CPNE8: variants seen among roughly 807,000 people sequenced by gnomAD.
The protein encoded by CPNE8 is copine 8, also known as copine-8.
CPNE8 carries 45 observed loss-of-function variants against 81.5 expected under a neutral mutation model. That is an observed-to-expected ratio of 0.55 (90% confidence interval 0.44 to 0.71). The LOEUF (loss-of-function observed/expected upper bound fraction) is 0.71, where lower values mean the gene tolerates loss of function less well. Ranked by LOEUF, CPNE8 falls within the 30% of genes least tolerant of loss-of-function variation. The pLI, the probability that CPNE8 is intolerant of heterozygous loss-of-function variation, is 0.00. For missense variants in CPNE8, 594 were observed against 672.1 expected, an observed-to-expected ratio of 0.88 and a Z score of 1.28; for synonymous variants, 252 against 226.3, an observed-to-expected ratio of 1.11 and a Z score of -1.02.
At chr12:38,846,132 G>T (rs1413119277) in intron 4 of CPNE8, among the ~76,000 whole-genome samples, 1 of 152,080 alleles carries the variant, frequency 6.6e-6, no homozygotes, top group Non-Finnish European at 1.5e-5. Context: ...GACAAGTTTT[G>T]AGTATCAGGT....
intron 6 of CPNE8, among the ~76,000 whole-genome samples, chr12:38,779,274 G>C (rs937632761): frequency 6.6e-6 from 1 of 152,128 alleles, no homozygotes. Flanking sequence ...CTGAACACTG[G>C]AGAACTTGAT....
chr12:38,766,016 G>T (rs1941679622), intron 8 of CPNE8, among the ~76,000 whole-genome samples: 1 of 151,880 alleles, frequency 6.6e-6, no homozygotes, highest in Non-Finnish European at 1.5e-5. Context: ...CTGCCACCAC[G>T]CCCAGCTAAT....
At chr12:38,841,564 G>A (rs991855211) in intron 4 of CPNE8, among the ~76,000 whole-genome samples, 7 of 152,130 alleles carry the variant, frequency 4.6e-5, no homozygotes, top group Non-Finnish European at 7.3e-5. Flanking sequence ...GGACAATGGC[G>A]TGGTGGTCTT....
At chr12:38,798,108 A>G (rs1942547796) in intron 6 of CPNE8, among the ~76,000 whole-genome samples, 1 of 152,220 alleles carries the variant, frequency 6.6e-6, no homozygotes, top group Non-Finnish European at 1.5e-5. Flanking sequence ...GAATGGAACC[A>G]AGTTGGAAAA....
At chr12:38,688,136 T>G (rs575048975) in intron 15 of CPNE8, among the ~76,000 whole-genome samples, 194 of 152,296 alleles carry the variant, frequency 1.3e-3, no homozygotes, top group Middle Eastern at 0.01. Flanking sequence ...GCTACTTTTA[T>G]TTTTTAACAT....
At chr12:38,889,681 G>A (rs1416731657) in intron 1 of CPNE8, among the ~76,000 whole-genome samples, 38 of 152,280 alleles carry the variant, frequency 2.5e-4, no homozygotes, top group Admixed American at 2.2e-3. Context: ...GATTCCTGGC[G>A]AGGAGGAGAA....
chr12:38,692,444 T>G (rs1250052045), intron 15 of CPNE8, among the ~76,000 whole-genome samples: 1 of 152,222 alleles, frequency 6.6e-6, no homozygotes, highest in Non-Finnish European at 1.5e-5. Flanking sequence ...AATTACCAGT[T>G]GAGCCTCTCA....
intron 13 of CPNE8, among the ~76,000 whole-genome samples, chr12:38,719,313 G>T (rs988494545): frequency 6.6e-6 from 1 of 152,058 alleles, no homozygotes; most frequent in Non-Finnish European, 1.5e-5. Flanking sequence ...TTAAATTTGT[G>T]CCCAATTTGG....
rs1314239270 is a variant in CPNE8 at position 38,711,817 on chromosome 12, A to T, written c.915-8896T>A. 3.7e-4 allele frequency among the ~76,000 whole-genome samples: 57 copies of T among 152,174 alleles called. 1 individual carries two copies. Among genetic ancestry groups the T allele is most frequent in the Admixed American group, 3.7e-3 (57 of 15,272 alleles). On this transcript the variant is annotated intron_variant, in intron 13 of 19. Coordinates refer to ENST00000331366, the MANE Select transcript of CPNE8 (RefSeq NM_153634.3). Reference sequence around the variant, plus strand: ...AAAATGAGAATCAAATCTTAACCAAATAAATGTTTATAACAGTCTTCTTAA... The same window carrying T: ...AAAATGAGAATCAAATCTTAACCAATTAAATGTTTATAACAGTCTTCTTAA...
chr12:38,723,874 G>A (rs745741562), intron 12 of CPNE8, 41 bp from the exon 13 acceptor site: 1 of 1,149,756 alleles, frequency 8.7e-7, no homozygotes, highest in East Asian at 2.3e-5. Flanking sequence ...AGTTGTTTGT[G>A]ACCCCAAATA....
chr12:38,778,545 G>A (rs2083869808), intron 6 of CPNE8, among the ~76,000 whole-genome samples: 3 of 151,798 alleles, frequency 2.0e-5, no homozygotes, highest in South Asian at 2.1e-4. Context: ...TCCCTATTTC[G>A]CCTCAAACTT....
intron 10 of CPNE8, among the ~76,000 whole-genome samples, chr12:38,738,839 G>T (rs1169993688): frequency 2.1e-5 from 3 of 144,004 alleles, no homozygotes; most frequent in African/African-American, 5.2e-5. Flanking sequence ...TTTGAGACAG[G>T]GTCTTGCTCT....
At chr12:38,699,333 A>G (rs1005166681) in intron 14 of CPNE8, among the ~76,000 whole-genome samples, 1 of 152,172 alleles carries the variant, frequency 6.6e-6, no homozygotes, top group South Asian at 2.1e-4. Flanking sequence ...TTCTTAGTTC[A>G]CCTAATTCAC....
intron 10 of CPNE8, among the ~76,000 whole-genome samples, chr12:38,752,731 A>G (rs1376423478): frequency 1.3e-5 from 2 of 152,224 alleles, no homozygotes; most frequent in African/African-American, 4.8e-5. Flanking sequence ...TCTAGCCATA[A>G]GATTCTAATA....
chr12:38,714,371 G>C (rs60958114), intron 13 of CPNE8, among the ~76,000 whole-genome samples: 1 of 151,814 alleles, frequency 6.6e-6, no homozygotes, highest in African/African-American at 2.4e-5. Flanking sequence ...ATTTTAGGTA[G>C]ACAATTGTAT....
chr12:38,852,290 G>A (rs563624340), intron 3 of CPNE8, among the ~76,000 whole-genome samples: 42 of 152,046 alleles, frequency 2.8e-4, no homozygotes, highest in Admixed American at 1.8e-3. Context: ...TTAGCCAGGC[G>A]TGGTGGCAGG....
chr12:38,735,345 A>G (rs771825802), intron 10 of CPNE8, among the ~76,000 whole-genome samples: 5 of 152,088 alleles, frequency 3.3e-5, no homozygotes, highest in Non-Finnish European at 5.9e-5. Flanking sequence ...AAACAGTAAA[A>G]GAGGTTTAAA....
At chr12:38,862,220 A>T (rs1417957556) in intron 3 of CPNE8, among the ~76,000 whole-genome samples, 5 of 151,880 alleles carry the variant, frequency 3.3e-5, no homozygotes, top group African/African-American at 4.8e-5. Context: ...TGACTGTGTA[A>T]CTGTAGGTCA....
chr12:38,811,267 G>A (rs1426236018), intron 6 of CPNE8, among the ~76,000 whole-genome samples: 1 of 151,338 alleles, frequency 6.6e-6, no homozygotes, highest in African/African-American at 2.4e-5. Flanking sequence ...TTGATGTTAG[G>A]TAAATCTGTT....
Sources: gnomAD v4.1 joint callset for allele counts (sites outside exome capture counted in the v4.1 genomes callset) on GRCh38, gnomAD v4.1.1 for gene constraint, MANE v1.5 for transcripts, NCBI Gene and HGNC (gene_info 2026-07-23, HGNC 2026-07-21) for gene names.